The following LAMTOR5 variants were observed in gnomAD, a reference collection of about 807,000 sequenced individuals.
The protein encoded by LAMTOR5 is ragulator complex protein LAMTOR5.
LAMTOR5 carries 8 observed loss-of-function variants against 12.1 expected under a neutral mutation model. The ratio of observed to expected loss-of-function variants is 0.66; its 90% confidence interval spans 0.39 to 1.19. LAMTOR5 has a LOEUF of 1.19. LAMTOR5 is among the 50% of genes most tolerant of loss of function. LAMTOR5 has a pLI of 0.01. For missense variants in LAMTOR5, 110 were observed against 112.8 expected, an observed-to-expected ratio of 0.97 and a Z score of 0.11; for synonymous variants, 37 against 41.9, an observed-to-expected ratio of 0.88 and a Z score of 0.45.
In LAMTOR5 at chr1:110,406,368, G is replaced by C; in HGVS notation, c.47C>G (p.Pro16Arg). Residue 16 changes from proline (P) to arginine (R), a missense_variant, in exon 2 of 4, where the codon CCC becomes CGC. Coordinates refer to ENST00000602318, the MANE Select transcript of LAMTOR5 (RefSeq NM_001382293.1). ...EQHLEDTMKN[P>R]SIVGVLCTDS... is the part of the protein sequence containing the mutation. ...TGTGCACAGGACTCCAACAATGGAG[G>C]GATTCTTCATTCTAATTCCAGGAAC... 6.2e-7 allele frequency: 1 copy of C among 1,607,872 alleles called. No individual in the cohort carries two copies. The highest frequency in any genetic ancestry group is 8.5e-7 in the Non-Finnish European group (1 of 1,176,606).
In LAMTOR5 at chr1:110,407,674, C is replaced by T; in HGVS notation, c.-54G>A. ...CCCAGCGGCACGGCACGTCCTTCTC[C>T]ACCACAGGCCTCAGTCACTTGACGC... On this transcript the variant is annotated 5_prime_UTR_variant, in exon 1 of 4. Transcript: ENST00000602318. The T allele has an allele frequency of 1.2e-6, 2 of 1,614,256 alleles. No homozygotes were observed. The highest frequency in any genetic ancestry group is 2.2e-5 in the South Asian group (2 of 91,088).
Sources: gnomAD v4.1 joint callset for allele counts on GRCh38, gnomAD v4.1.1 for gene constraint, MANE v1.5 for transcripts, NCBI Gene and HGNC (gene_info 2026-07-23, HGNC 2026-07-21) for gene names.